Variants in PCDH9 observed in about 807,000 individuals in gnomAD.
PCDH9 encodes the protein protocadherin-9.
In PCDH9, 24 loss-of-function variants were observed where a neutral mutation model predicts 70.6. That is an observed-to-expected ratio of 0.34 (90% CI 0.25 to 0.48). PCDH9 has a LOEUF of 0.48. Among genes scored for constraint, PCDH9 ranks in the 20% least tolerant of loss-of-function variants. The probability of loss-of-function intolerance (pLI) is 0.99; values close to 1 mark genes in which losing one functional copy is unlikely to be tolerated. For synonymous variants in PCDH9, 562 were observed against 558.5 expected (o/e 1.01, Z -0.09); for missense variants, 1,281 against 1,503.6 (o/e 0.85, Z 2.45).
chr13:67,071,282 C>T (rs1276560140), intron 2 of PCDH9, among the ~76,000 whole-genome samples: 6 of 152,020 alleles, frequency 3.9e-5, no homozygotes, highest in African/African-American at 1.4e-4. Context: ...CTATTTAAAT[C>T]ACAAAAGAAG....
At chr13:66,778,088 C>A (rs896732445) in intron 3 of PCDH9, among the ~76,000 whole-genome samples, 5 of 135,714 alleles carry the variant, frequency 3.7e-5, no homozygotes, top group African/African-American at 1.4e-4. Context: ...ACAATGAGAA[C>A]ACATGGACAC....
intron 3 of PCDH9, among the ~76,000 whole-genome samples, chr13:66,900,989 A>G (rs2082267902): frequency 1.3e-5 from 2 of 151,740 alleles, no homozygotes; most frequent in South Asian, 4.1e-4. Flanking sequence ...TTTCATTGTT[A>G]ATTCTCAAGA....
chr13:67,013,657 A>C (rs56064337), intron 2 of PCDH9, among the ~76,000 whole-genome samples: 24,916 of 151,852 alleles, frequency 0.16, 2,159 homozygotes, highest in Middle Eastern at 0.24. Flanking sequence ...CTGCTCACTT[A>C]TCATTCCTCA....
At chr13:66,734,430 G>A (rs1000286183) in intron 3 of PCDH9, among the ~76,000 whole-genome samples, 1 of 152,068 alleles carries the variant, frequency 6.6e-6, no homozygotes, top group African/African-American at 2.4e-5. Context: ...TGTGAGCTTC[G>A]TGGAGTTCTT....
chr13:66,525,676 T>C (rs1960186102), intron 4 of PCDH9, among the ~76,000 whole-genome samples: 1 of 152,270 alleles, frequency 6.6e-6, no homozygotes, highest in Admixed American at 6.5e-5. Flanking sequence ...TCCAACTTTG[T>C]ATGTCTCATT....
intron 4 of PCDH9, among the ~76,000 whole-genome samples, chr13:66,460,477 G>A (rs1032638936): frequency 6.6e-6 from 1 of 151,760 alleles, no homozygotes; most frequent in Non-Finnish European, 1.5e-5. Context: ...TGGATATCCA[G>A]AAAACTCGGC....
intron 3 of PCDH9, among the ~76,000 whole-genome samples, chr13:66,803,387 C>A (rs1215037638): frequency 1.3e-5 from 2 of 152,128 alleles, no homozygotes; most frequent in Non-Finnish European, 2.9e-5. Flanking sequence ...AACCAGTTAT[C>A]CCTTTCGACT....
At chr13:66,563,409 G>T (rs1027400637) in intron 4 of PCDH9, among the ~76,000 whole-genome samples, 1 of 152,090 alleles carries the variant, frequency 6.6e-6, no homozygotes, top group African/African-American at 2.4e-5. Context: ...TACTACTTCA[G>T]TCAAAACCAC....
At position 66,879,007 on chromosome 13, in the gene PCDH9, T is replaced by C. The variant is rs149400018; in HGVS notation, c.3138+24497A>G. ...AACGTACGATTATGATACACTGTCA[T>C]TCAGCATAACAAGGAGGAGGTATCA... is the stretch of plus-strand genomic sequence containing the variant. On this transcript the variant is annotated intron_variant, in intron 3 of 4. Coordinates refer to ENST00000377865, the MANE Select transcript of PCDH9 (RefSeq NM_203487.3). 1.4e-3 allele frequency among the ~76,000 whole-genome samples: 218 copies of C among 152,274 alleles called. 2 individuals are homozygous for C. Among genetic ancestry groups the C allele is most frequent in the East Asian group, 0.013 (67 of 5,184 alleles).
intron 4 of PCDH9, among the ~76,000 whole-genome samples, chr13:66,440,136 G>A (rs1957946478): frequency 6.6e-6 from 1 of 152,156 alleles, no homozygotes; most frequent in South Asian, 2.1e-4. Context: ...ACTAATTTCT[G>A]TCTACTTCGA....
intron 3 of PCDH9, among the ~76,000 whole-genome samples, chr13:66,901,489 G>C (rs1179526472): frequency 6.6e-6 from 1 of 151,648 alleles, no homozygotes; most frequent in African/African-American, 2.4e-5. Flanking sequence ...GAGAAAATGG[G>C]CCTGGAGAAT....
chr13:66,317,579 A>G (rs952783531), intron 4 of PCDH9, among the ~76,000 whole-genome samples: 1 of 152,174 alleles, frequency 6.6e-6, no homozygotes, highest in Non-Finnish European at 1.5e-5. Flanking sequence ...TCAGAAATCC[A>G]GATTCACAGG....
intron 4 of PCDH9, among the ~76,000 whole-genome samples, chr13:66,517,123 A>G (rs1959773610): frequency 6.6e-6 from 1 of 152,112 alleles, no homozygotes; most frequent in South Asian, 2.1e-4. Context: ...TATATATGGG[A>G]CATTTCTGGT....
At chr13:66,743,032 G>GAC (rs1201134667) in intron 3 of PCDH9, among the ~76,000 whole-genome samples, 1 of 94,924 alleles carries the variant, frequency 1.1e-5, no homozygotes, top group African/African-American at 3.0e-5. Context: ...CTGCTATAAA[G>GAC]ACACACGCAC....
At chr13:67,210,493 A>G (rs2138080414) in intron 2 of PCDH9, 1 of 152,018 alleles carries the variant, frequency 6.6e-6, no homozygotes, top group East Asian at 1.9e-4. Flanking sequence ...GATGTGCACT[A>G]TTTGAACATA....
chr13:66,628,268 T>C (rs1356973981), intron 4 of PCDH9, among the ~76,000 whole-genome samples: 1 of 152,212 alleles, frequency 6.6e-6, no homozygotes, highest in Non-Finnish European at 1.5e-5. Context: ...TCTTAGAGAC[T>C]TCAGACTCTT....
intron 4 of PCDH9, among the ~76,000 whole-genome samples, chr13:66,336,639 T>TTTTCC (rs1397966871): frequency 6.6e-6 from 1 of 152,026 alleles, no homozygotes; most frequent in Admixed American, 6.6e-5. Flanking sequence ...AATAAATGAG[T>TTTTCC]TTGCTATGTG....
intron 2 of PCDH9, among the ~76,000 whole-genome samples, chr13:67,036,641 C>T (rs1383023447): frequency 2.0e-5 from 3 of 152,148 alleles, no homozygotes; most frequent in African/African-American, 7.2e-5. Context: ...GGGTTCCTTC[C>T]TGCTCTAAAC....
intron 4 of PCDH9, among the ~76,000 whole-genome samples, chr13:66,565,206 T>G (rs1463293377): frequency 2.6e-5 from 4 of 152,192 alleles, no homozygotes; most frequent in Admixed American, 2.6e-4. Context: ...AGAACTAATG[T>G]TTTTCACTTT....
Sources: allele counts gnomAD v4.1 joint callset (sites outside exome capture counted in the v4.1 genomes callset), GRCh38; gene constraint gnomAD v4.1.1; transcripts MANE v1.5; gene names NCBI Gene and HGNC (gene_info 2026-07-23, HGNC 2026-07-21).